Variants in CACNA1C observed in about 807,000 individuals in gnomAD.
The protein encoded by CACNA1C is voltage-dependent L-type calcium channel subunit alpha-1C.
In CACNA1C, 30 loss-of-function variants were observed where a neutral mutation model predicts 229.0. The observed-to-expected ratio is 0.13, with a 90% CI of 0.10 to 0.18. The LOEUF is 0.18. CACNA1C is among the 10% of genes least tolerant of loss of function. The pLI, the probability that CACNA1C is intolerant of heterozygous loss-of-function variation, is 1.00. For synonymous variants in CACNA1C, 1,114 were observed against 1,132.5 expected (o/e 0.98, Z 0.33); for missense variants, 1,658 against 2,845.0 (o/e 0.58, Z 9.49).
chr12:2,641,509 GCCC>G (rs2093690387), intron 30 of CACNA1C: 1 of 579,616 alleles, frequency 1.7e-6, no homozygotes, highest in Non-Finnish European at 3.1e-6. Context: ...TCTCCCTCCA[GCCC>G]CCCTTCTCAT....
chr12:2,453,105 C>G (rs1410872453), intron 4 of CACNA1C, among the ~76,000 whole-genome samples: 1 of 152,094 alleles, frequency 6.6e-6, no homozygotes, highest in East Asian at 1.9e-4. Flanking sequence ...TGTTGAGAGT[C>G]TCGCTCAGAG....
At position 2,601,916 on chromosome 12, in the gene CACNA1C, G is replaced by A; in HGVS notation, c.2916G>A (p.Leu972=). 6.2e-7 allele frequency: 1 copy of A among 1,613,948 alleles called. No homozygotes were observed. Among genetic ancestry groups the A allele is most frequent in the African/African-American group, 1.3e-5 (1 of 75,046 alleles). ...GSFCRNYFNI[L]DLLVVSVSLI... is the part of the protein sequence containing the mutation. ...TCTGCCGGAACTACTTCAACATCCTGGACCTGCTGGTGGTCAGCGTGTCCC... is the reference window on the plus strand; with the variant it reads ...TCTGCCGGAACTACTTCAACATCCTAGACCTGCTGGTGGTCAGCGTGTCCC... Residue 972 remains leucine (L), a synonymous_variant, in exon 22 of 47, where the codon CTG becomes CTA. Coordinates refer to ENST00000399655, the MANE Select transcript of CACNA1C (RefSeq NM_000719.7). This position sits in a 1 kb window ranked among gnomAD's most constrained non-coding sequence, Gnocchi z 5.9.
At chr12:2,638,956 T>C (rs11062292) in intron 30 of CACNA1C, among the ~76,000 whole-genome samples, 3,113 of 152,240 alleles carry the variant, frequency 0.02, 121 homozygotes, top group African/African-American at 0.071. Flanking sequence ...GCCCCGGCAC[T>C]AGAGAAGAAG....
Position 2,688,463 on chromosome 12 carries a change from G to A in CACNA1C, c.5801G>A (p.Gly1934Asp), listed in dbSNP as rs1397611440. The change falls in exon 46 of 47, where the codon GGC becomes GAC. Residue 1934 changes from glycine to aspartate, a missense_variant. Physicochemically the swap from Gly to Asp is moderately conservative, Grantham distance 94. Around this residue, in one of 20 missense-constraint regions of CACNA1C, gnomAD observed 590 missense variants for 700.8 expected, o/e 0.84. Transcript: ENST00000399655. The stretch of plus-strand genomic sequence containing the variant: ...TGTCCGCAGGCATTGGCAGTGGCAG[G>A]CCTGAGCCCCCTCCTCCAGAGAAGC... ...LVHHQALAVA[G>D]LSPLLQRSHS... 6.2e-7 allele frequency: 1 copy of A among 1,613,600 alleles called. No individual in the cohort carries two copies. Among genetic ancestry groups the A allele is most frequent in the Non-Finnish European group, 8.5e-7 (1 of 1,179,884 alleles).
In CACNA1C at chr12:2,486,020, C is replaced by T; in HGVS notation, c.758-84C>T. Reference sequence around the variant, plus strand: ...AACAGGGCTGGCAGTTCCTTCCTTGCAGAGTTGCTGGAAGATTGCATGAGA... The same window carrying T: ...AACAGGGCTGGCAGTTCCTTCCTTGTAGAGTTGCTGGAAGATTGCATGAGA... On this transcript the variant is annotated intron_variant, in intron 5 of 46. Coordinates refer to ENST00000399655, the MANE Select transcript of CACNA1C (RefSeq NM_000719.7). The surrounding 1 kb of genome is among the most constrained non-coding windows in gnomAD (Gnocchi z 4.9). 1 of 1,148,878 alleles carries T rather than the reference C, an allele frequency of 8.7e-7. No homozygotes were observed. Among genetic ancestry groups the T allele is most frequent in the Admixed American group, 2.7e-5 (1 of 36,938 alleles). 71.2% of individuals were successfully genotyped at this position (1,148,878 alleles called of 1,614,324 possible).
intron 3 of CACNA1C, among the ~76,000 whole-genome samples, chr12:2,390,576 G>A (rs1014375511): frequency 2.6e-5 from 4 of 152,162 alleles, no homozygotes; most frequent in Non-Finnish European, 5.9e-5. Flanking sequence ...CTTTATGGAC[G>A]AAGTGCTTTG....
At chr12:2,451,265 C>G (rs1427833479) in intron 4 of CACNA1C, among the ~76,000 whole-genome samples, 5 of 152,176 alleles carry the variant, frequency 3.3e-5, no homozygotes, top group Non-Finnish European at 5.9e-5. Flanking sequence ...TAGCAAAAGT[C>G]CTTAAGGTGG....
At chr12:2,550,855 G>T (rs1449571009) in intron 10 of CACNA1C, among the ~76,000 whole-genome samples, 1 of 152,212 alleles carries the variant, frequency 6.6e-6, no homozygotes, top group Admixed American at 6.5e-5. Context: ...GAGGGAGAAT[G>T]AGGCTGACGG....
intron 9 of CACNA1C, among the ~76,000 whole-genome samples, chr12:2,537,001 C>T (rs963699607): frequency 8.5e-4 from 129 of 152,306 alleles, no homozygotes; most frequent in African/African-American, 2.5e-3. Flanking sequence ...AACTCAGGCC[C>T]CTGGCCCCCA....
intron 3 of CACNA1C, among the ~76,000 whole-genome samples, chr12:2,121,250 C>G (rs1003240233): frequency 6.6e-6 from 1 of 152,196 alleles, no homozygotes; most frequent in African/African-American, 2.4e-5. Flanking sequence ...TCAGAGCCAC[C>G]GTCTTTCCCC....
intron 29 of CACNA1C, among the ~76,000 whole-genome samples, chr12:2,626,637 C>A (rs950500796): frequency 1.3e-5 from 2 of 152,146 alleles, no homozygotes; most frequent in Non-Finnish European, 2.9e-5. Flanking sequence ...CCTGGAGGCA[C>A]CTTTGCAGAA....
intron 3 of CACNA1C, among the ~76,000 whole-genome samples, chr12:2,163,799 G>C (rs550215846): frequency 2.0e-4 from 31 of 152,270 alleles, no homozygotes; most frequent in African/African-American, 6.5e-4. Flanking sequence ...GCTCGGCGGG[G>C]TCACGGCCCT....
chr12:2,338,956 A>G (rs2096781512), intron 3 of CACNA1C, among the ~76,000 whole-genome samples: 1 of 152,174 alleles, frequency 6.6e-6, no homozygotes, highest in Non-Finnish European at 1.5e-5. Flanking sequence ...TATAGGAAAA[A>G]TGCTTCCCCC....
intron 34 of CACNA1C, among the ~76,000 whole-genome samples, chr12:2,663,639 C>T (rs2095878349): frequency 6.6e-6 from 1 of 151,684 alleles, no homozygotes; most frequent in South Asian, 2.1e-4. Context: ...AGCGAAATGT[C>T]AGAGATCACC....
chr12:2,165,188 C>A (rs980901015), intron 3 of CACNA1C, among the ~76,000 whole-genome samples: 6 of 152,222 alleles, frequency 3.9e-5, no homozygotes, highest in Admixed American at 3.9e-4. Flanking sequence ...AAACAGGCTG[C>A]TCTTGCTTCC....
At chr12:2,557,050 C>G in intron 11 of CACNA1C, 73 bp downstream of exon 11, 6 of 1,236,100 alleles carry the variant, frequency 4.9e-6, no homozygotes, top group East Asian at 2.3e-5. Flanking sequence ...TTGGGTGGCC[C>G]AAGGTAATAC....
chr12:2,179,062 A>T (rs967012509), intron 3 of CACNA1C, among the ~76,000 whole-genome samples: 1 of 151,546 alleles, frequency 6.6e-6, no homozygotes, highest in Non-Finnish European at 1.5e-5. Context: ...ACTCTGTCTC[A>T]AAATAAATAA....
intron 1 of CACNA1C, among the ~76,000 whole-genome samples, chr12:2,065,221 A>G (rs7310591): frequency 0.058 from 8,818 of 152,276 alleles, 335 homozygotes; most frequent in South Asian, 0.1. Context: ...CAGAGCTCAT[A>G]TTTGGTCTGT....
At chr12:2,143,559 CAGGCACGGT>C (rs2094456367) in intron 3 of CACNA1C, among the ~76,000 whole-genome samples, 1 of 151,308 alleles carries the variant, frequency 6.6e-6, no homozygotes, top group Non-Finnish European at 1.5e-5. Context: ...AGTACAGTCT[CAGGCACGGT>C]CAGAGGCCTG....
Sources: gnomAD v4.1 joint callset for allele counts (sites outside exome capture counted in the v4.1 genomes callset) on GRCh38, gnomAD v4.1.1 for gene constraint, gnomAD v4.1.1 regional missense constraint, Gnocchi (gnomAD v3.1) non-coding constraint, MANE v1.5 for transcripts, NCBI Gene and HGNC (gene_info 2026-07-23, HGNC 2026-07-21) for gene names.